The following TNIK variants were observed in gnomAD, a reference collection of about 807,000 sequenced individuals.
The protein encoded by TNIK is TRAF2 and NCK interacting kinase.
TNIK carries 49 observed loss-of-function variants against 191.3 expected under a neutral mutation model. The observed-to-expected ratio is 0.26, with a 90% CI of 0.20 to 0.32. The LOEUF is 0.32. Among genes scored for constraint, TNIK ranks in the 10% least tolerant of loss-of-function variants. TNIK has a pLI of 1.00. For missense variants in TNIK, 1,155 were observed against 1,702.3 expected (o/e 0.68, Z 5.66); for synonymous variants, 594 against 600.9 (o/e 0.99, Z 0.17).
intron 1 of TNIK, among the ~76,000 whole-genome samples, chr3:171,444,283 A>T (rs1727200758): frequency 6.6e-6 from 1 of 152,218 alleles, no homozygotes; most frequent in African/African-American, 2.4e-5. Context: ...AGTCTGTGGG[A>T]TTTCCCAGTA....
intron 1 of TNIK, among the ~76,000 whole-genome samples, chr3:171,436,358 T>C (rs1320035264): frequency 6.6e-6 from 1 of 152,254 alleles, no homozygotes; most frequent in Non-Finnish European, 1.5e-5. Flanking sequence ...ATGCTGATGT[T>C]GAATGTATTG....
At chr3:171,392,097 T>C (rs1424959937) in intron 1 of TNIK, among the ~76,000 whole-genome samples, 2 of 152,202 alleles carry the variant, frequency 1.3e-5, no homozygotes, top group African/African-American at 4.8e-5. Flanking sequence ...CAAAATCTCC[T>C]TTCAAGTCCT....
chr3:171,330,876 C>T (rs967527786), intron 2 of TNIK, among the ~76,000 whole-genome samples: 1 of 152,152 alleles, frequency 6.6e-6, no homozygotes, highest in African/African-American at 2.4e-5. Flanking sequence ...AGGGGCCCCA[C>T]CCAAAGAAGA....
At chr3:171,330,850 G>A (rs901269680) in intron 2 of TNIK, among the ~76,000 whole-genome samples, 3 of 151,990 alleles carry the variant, frequency 2.0e-5, no homozygotes, top group East Asian at 3.9e-4. Context: ...CTACGACCCC[G>A]AATTAAAACA....
chr3:171,137,975 A>C (rs1174094678), intron 15 of TNIK, among the ~76,000 whole-genome samples: 1 of 148,094 alleles, frequency 6.8e-6, no homozygotes, highest in Admixed American at 6.7e-5. Flanking sequence ...ATACAAAAAA[A>C]AAAAAAAAAC....
intron 3 of TNIK, chr3:171,225,794 T>C (rs1193994185): frequency 2.8e-6 from 1 of 355,574 alleles, no homozygotes; most frequent in Non-Finnish European, 5.5e-6. Context: ...ACACATTTTA[T>C]GCCCCAAGAT....
chr3:171,313,766 T>C (rs1190977772), intron 2 of TNIK, among the ~76,000 whole-genome samples: 1 of 152,140 alleles, frequency 6.6e-6, no homozygotes, highest in Non-Finnish European at 1.5e-5. Flanking sequence ...ATCTTGAGAA[T>C]AAACATGGAT....
At chr3:171,327,881 G>A (rs1286022329) in intron 2 of TNIK, among the ~76,000 whole-genome samples, 1 of 125,974 alleles carries the variant, frequency 7.9e-6, no homozygotes, top group Non-Finnish European at 1.6e-5. Context: ...CCAGATCTGT[G>A]GCTCCCAAAC....
At chr3:171,403,854 T>A (rs1042356982) in intron 1 of TNIK, among the ~76,000 whole-genome samples, 6 of 152,202 alleles carry the variant, frequency 3.9e-5, no homozygotes, top group African/African-American at 1.4e-4. Flanking sequence ...AAAATAAAGT[T>A]CTAAGATTGT....
At chr3:171,166,582 C>T (rs543225235) in intron 10 of TNIK, among the ~76,000 whole-genome samples, 1 of 152,186 alleles carries the variant, frequency 6.6e-6, no homozygotes, top group Non-Finnish European at 1.5e-5. Flanking sequence ...TCTGATGTTC[C>T]ATTCAGCAAG....
chr3:171,293,548 T>C (rs1455311250), intron 2 of TNIK, among the ~76,000 whole-genome samples: 1 of 152,248 alleles, frequency 6.6e-6, no homozygotes, highest in African/African-American at 2.4e-5. Context: ...TGTGGTAATA[T>C]GTCTTTGACA....
intron 18 of TNIK, among the ~76,000 whole-genome samples, chr3:171,116,544 A>G (rs1283896246): frequency 1.3e-5 from 2 of 152,256 alleles, no homozygotes; most frequent in African/African-American, 4.8e-5. Context: ...TACTTGGGCC[A>G]AGTCTTTAAT....
chr3:171,448,858 C>G (rs886311569), intron 1 of TNIK, among the ~76,000 whole-genome samples: 2 of 151,976 alleles, frequency 1.3e-5, no homozygotes, highest in African/African-American at 4.8e-5. Context: ...ACCCATCAAC[C>G]CATCATATAC....
intron 11 of TNIK, among the ~76,000 whole-genome samples, chr3:171,158,332 G>A (rs1246906429): frequency 1.3e-5 from 2 of 152,236 alleles, no homozygotes; most frequent in Non-Finnish European, 2.9e-5. Flanking sequence ...TTGGTTCCTA[G>A]ATTCTGTTTA....
At chr3:171,404,864 G>C (rs57993264) in intron 1 of TNIK, among the ~76,000 whole-genome samples, 5,139 of 152,170 alleles carry the variant, frequency 0.034, 297 homozygotes, top group African/African-American at 0.12. Context: ...GTTTACTCTA[G>C]ACAGTATTTT....
chr3:171,066,844 C>A, intron 30 of TNIK, 109 bp from the exon 31 acceptor site: 1 of 1,323,452 alleles, frequency 7.6e-7, no homozygotes, highest in Non-Finnish European at 1.0e-6. Flanking sequence ...TCATTGTCAC[C>A]CTAAAGACTG....
intron 2 of TNIK, among the ~76,000 whole-genome samples, chr3:171,241,536 C>A (rs967534893): frequency 6.6e-6 from 1 of 152,132 alleles, no homozygotes; most frequent in African/African-American, 2.4e-5. Context: ...GAATAAAGAA[C>A]AGAAGTGTAA....
At chr3:171,101,263 T>G (rs966700447) in intron 22 of TNIK, among the ~76,000 whole-genome samples, 186 bp downstream of exon 22, 10 of 152,152 alleles carry the variant, frequency 6.6e-5, no homozygotes, top group Non-Finnish European at 1.3e-4. Flanking sequence ...CTACATATTC[T>G]AAGTGATTGT....
chr3:171,091,721 C>T (rs775402874), intron 23 of TNIK, among the ~76,000 whole-genome samples: 3 of 151,584 alleles, frequency 2.0e-5, no homozygotes, highest in African/African-American at 4.8e-5. Context: ...GGTGACAGAG[C>T]GAGACTCCAT....
Sources: gnomAD v4.1 joint callset for allele counts (sites outside exome capture counted in the v4.1 genomes callset) on GRCh38, gnomAD v4.1.1 for gene constraint, MANE v1.5 for transcripts, NCBI Gene and HGNC (gene_info 2026-07-23, HGNC 2026-07-21) for gene names.